ATP2B2: variants seen among roughly 807,000 people sequenced by gnomAD.
ATP2B2 encodes plasma membrane calcium-transporting ATPase 2.
ATP2B2 carries 15 observed loss-of-function variants against 120.0 expected under a neutral mutation model. That is an observed-to-expected ratio of 0.12 (90% confidence interval 0.08 to 0.19). ATP2B2 has a LOEUF of 0.19. ATP2B2 is among the 10% of genes least tolerant of loss of function. The pLI, the probability that ATP2B2 is intolerant of heterozygous loss-of-function variation, is 1.00. For missense variants in ATP2B2, 1,045 were observed against 1,719.8 expected (o/e 0.61, Z 6.94); for synonymous variants, 694 against 700.3 (o/e 0.99, Z 0.14).
chr3:10,580,241 G>A lies in ATP2B2; in HGVS notation c.-415+39676C>T, dbSNP rs149945963. ...TCATCTTAATATATCAATAGGAAAC[G>A]CGGAATACTCTAAAAACCAAAGAAC... On this transcript the variant is annotated intron_variant, in intron 2 of 21. Coordinates refer to the ATP2B2 transcript ENST00000646379. Among the ~76,000 whole-genome samples the A allele has an allele frequency of 6.6e-5, 10 of 152,264 alleles. No individual in the cohort carries two copies. In the East Asian group the frequency reaches 1.2e-3, roughly 18 times the overall value.
intron 2 of ATP2B2, among the ~76,000 whole-genome samples, chr3:10,551,568 A>G (rs923137082): frequency 5.9e-5 from 9 of 152,236 alleles, no homozygotes; most frequent in African/African-American, 1.9e-4. Flanking sequence ...TGCTGTAAAC[A>G]TATTTCTATT....
chr3:10,338,341 C>A lies in ATP2B2; in HGVS notation c.3255G>T (p.Pro1085=), dbSNP rs778841319. The part of the protein sequence containing the change: ...LVWGQVIATI[P]TSRLKFLKEA... ...CCTTGAGGAACTTGAGTCTGCTGGT[C>A]GGGATGGTGGCGATGACCTGCAAGG... The change falls in exon 22 of 23, where the codon CCG becomes CCT. Residue 1085 remains proline, a synonymous_variant. Transcript: ENST00000360273. 6.2e-7 allele frequency: 1 copy of A among 1,613,976 alleles called. No individual in the cohort carries two copies. The highest frequency in any genetic ancestry group is 8.5e-7 in the Non-Finnish European group (1 of 1,180,032).
chr3:10,532,236 C>CT lies in ATP2B2; in HGVS notation c.-320+1802dup, dbSNP rs978491535. Among the ~76,000 whole-genome samples, 17 of 152,330 alleles carry CT rather than the reference C, an allele frequency of 1.1e-4. 1 individual carries two copies. Among genetic ancestry groups the CT allele is most frequent in the African/African-American group, 3.8e-4 (16 of 41,586 alleles). ...CCAGTCCCACTGAGGCCAGGGGTCT[C>CT]TTTGTCCCATTCATAAAGGCACATG... On this transcript the variant is annotated intron_variant, in intron 3 of 21. Transcript: ENST00000646379.
In ATP2B2 at chr3:10,328,551, GGGCTTGT is replaced by G; in HGVS notation, c.*256_*262del. On this transcript the variant is annotated 3_prime_UTR_variant, in exon 23 of 23. Transcript: ENST00000360273. ...TCCATGTCTGGGTGGGAGCCAGGAA[GGGCTTGT>G]TTTGGGAAAACCGCTCACTCCCGTA... 1 of 444,572 alleles carries G rather than the reference GGGCTTGT, an allele frequency of 2.2e-6. No homozygotes were observed. Among genetic ancestry groups the G allele is most frequent in the Non-Finnish European group, 4.0e-6 (1 of 248,462 alleles). The allele number at this position is 444,572 out of a possible 1,614,324, so 27.5% of individuals were successfully genotyped here.
chr3:10,657,440 G>A (rs887056521), intron 1 of ATP2B2, among the ~76,000 whole-genome samples: 1 of 152,216 alleles, frequency 6.6e-6, no homozygotes, highest in African/African-American at 2.4e-5. Flanking sequence ...TGCCTTTGGA[G>A]GCAAATCATG....
intron 2 of ATP2B2, among the ~76,000 whole-genome samples, chr3:10,534,898 G>GTTTTTTTTTTTTT (rs59467255): frequency 1.1e-5 from 1 of 87,706 alleles, no homozygotes; most frequent in Non-Finnish European, 2.1e-5. Flanking sequence ...CATTTATTTG[G>GTTTTTTTTTTTTT]TTTTTTTTTT....
At chr3:10,455,157 G>A (rs2064205816) in intron 1 of ATP2B2, among the ~76,000 whole-genome samples, 1 of 152,180 alleles carries the variant, frequency 6.6e-6, no homozygotes, top group Non-Finnish European at 1.5e-5. Flanking sequence ...TCTGTAAGAT[G>A]GGCTAGTGAT....
chr3:10,396,228 T>C (rs770461128), intron 5 of ATP2B2, among the ~76,000 whole-genome samples: 2 of 152,254 alleles, frequency 1.3e-5, no homozygotes, highest in Non-Finnish European at 2.9e-5. Flanking sequence ...GCAGGGTTTG[T>C]TTGCAAAGGA....
At chr3:10,399,561 T>C (rs2062151805) in intron 5 of ATP2B2, among the ~76,000 whole-genome samples, 1 of 152,252 alleles carries the variant, frequency 6.6e-6, no homozygotes, top group South Asian at 2.1e-4. Context: ...TCTCCTTTAC[T>C]AAATTCTAAG....
At chr3:10,565,738 T>C (rs1445459850) in intron 2 of ATP2B2, among the ~76,000 whole-genome samples, 2 of 152,192 alleles carry the variant, frequency 1.3e-5, no homozygotes, top group Non-Finnish European at 2.9e-5. Flanking sequence ...AATCTTGGCT[T>C]CACCTATTGC....
chr3:10,410,195 G>GC (rs2062559796), intron 3 of ATP2B2, among the ~76,000 whole-genome samples: 3 of 152,022 alleles, frequency 2.0e-5, no homozygotes, highest in Non-Finnish European at 4.4e-5. Flanking sequence ...GTGGTACTTA[G>GC]TTACATGAGT....
At chr3:10,333,126 T>G (rs2060026189) in intron 22 of ATP2B2, among the ~76,000 whole-genome samples, 1 of 152,142 alleles carries the variant, frequency 6.6e-6, no homozygotes, top group African/African-American at 2.4e-5. Context: ...TTTTCCTCAC[T>G]CCAGTGTCCC....
chr3:10,417,162 C>A (rs1452989638), intron 2 of ATP2B2, among the ~76,000 whole-genome samples: 1 of 149,386 alleles, frequency 6.7e-6, no homozygotes, highest in African/African-American at 2.5e-5. Flanking sequence ...GGTGGCCAGG[C>A]AGAGGGACTC....
chr3:10,371,731 T>C (rs1301290833), intron 12 of ATP2B2, 78 bp downstream of exon 12: 1 of 1,606,790 alleles, frequency 6.2e-7, no homozygotes, highest in Non-Finnish European at 8.5e-7. Flanking sequence ...ATGAATCACA[T>C]TGCTCAACCT....
Position 10,600,580 on chromosome 3 carries a change from T to C in ATP2B2, c.-415+19337A>G, listed in dbSNP as rs371658292. On this transcript the variant is annotated intron_variant, in intron 2 of 21. Transcript: ENST00000646379. ...CGAGAACTGGCTCTGCTTACAGGCA[T>C]TGGCCGTGGATTTACTCACAAGCCT... Among the ~76,000 whole-genome samples the C allele has an allele frequency of 1.1e-4, 17 of 152,344 alleles. No homozygotes were observed. In the East Asian group the frequency reaches 3.3e-3, roughly 29 times the overall value.
At chr3:10,613,298 T>C (rs988359890) in intron 2 of ATP2B2, among the ~76,000 whole-genome samples, 1 of 152,056 alleles carries the variant, frequency 6.6e-6, no homozygotes, top group Non-Finnish European at 1.5e-5. Context: ...CACAGCAAAG[T>C]GGTAATCATA....
intron 1 of ATP2B2, among the ~76,000 whole-genome samples, chr3:10,486,625 A>T (rs1012408661): frequency 5.3e-5 from 8 of 152,060 alleles, no homozygotes; most frequent in Non-Finnish European, 1.0e-4. Context: ...CCTACTAGCA[A>T]GGTCCTCCCT....
chr3:10,512,488 A>T (rs1418183291), intron 3 of ATP2B2, among the ~76,000 whole-genome samples: 5 of 151,140 alleles, frequency 3.3e-5, no homozygotes, highest in African/African-American at 1.2e-4. Flanking sequence ...ACACACACAC[A>T]CACACACACA....
At chr3:10,684,688 G>A (rs2071474125) in intron 1 of ATP2B2, among the ~76,000 whole-genome samples, 1 of 152,234 alleles carries the variant, frequency 6.6e-6, no homozygotes, top group African/African-American at 2.4e-5. Flanking sequence ...CTAAAAAGAA[G>A]CATCCAATAT....
Sources: allele counts gnomAD v4.1 joint callset (sites outside exome capture counted in the v4.1 genomes callset), GRCh38; gene constraint gnomAD v4.1.1; transcripts MANE v1.5; gene names NCBI Gene and HGNC (gene_info 2026-07-23, HGNC 2026-07-21).